Variants in GLRA2 observed in about 807,000 individuals in gnomAD.
GLRA2 encodes the protein glycine receptor alpha 2.
In GLRA2, 11 loss-of-function variants were observed where a neutral mutation model predicts 31.6. That is an observed-to-expected ratio of 0.35 (90% CI 0.22 to 0.58). The LOEUF is 0.58. GLRA2 is among the 20% of genes least tolerant of loss of function. The probability of loss-of-function intolerance (pLI) is 0.84; values close to 1 mark genes in which losing one functional copy is unlikely to be tolerated. For missense variants in GLRA2, 212 were observed against 351.8 expected, an observed-to-expected ratio of 0.60 and a Z score of 3.18; for synonymous variants, 132 against 134.0, an observed-to-expected ratio of 0.99 and a Z score of 0.10.
chrX:14,564,634 A>G lies in GLRA2; in HGVS notation c.203-9699A>G, dbSNP rs778082405. Among the ~76,000 whole-genome samples the G allele has an allele frequency of 3.8e-4, 43 of 112,617 alleles. No individual in the cohort carries two copies. The South Asian group carries it at 4.3e-3, about 11-fold the overall frequency. On this transcript the variant is annotated intron_variant, in intron 2 of 8. Coordinates refer to ENST00000218075, the MANE Select transcript of GLRA2 (RefSeq NM_002063.4). The stretch of plus-strand genomic sequence containing the variant: ...GGACTTGGAAAGACAAATGCATAAA[A>G]AATTATTAGTTGATTTTATTGTGCA...
Position 14,529,913 on chromosome X carries a change from A to G in GLRA2, c.-145A>G. On this transcript the variant is annotated 5_prime_UTR_variant, in exon 1 of 9. Transcript: ENST00000218075. ...GGCACTTTTTCTTTTTTCTCAGCAAACTGTACAAAACCAAATCTCTTTTTG... is the reference window on the plus strand; with the variant it reads ...GGCACTTTTTCTTTTTTCTCAGCAAGCTGTACAAAACCAAATCTCTTTTTG... 1 of 514,779 alleles carries G rather than the reference A, an allele frequency of 1.9e-6. No homozygotes were observed. Among genetic ancestry groups the G allele is most frequent in the Non-Finnish European group, 3.4e-6 (1 of 292,623 alleles). The allele number at this position is 514,779 out of a possible 1,213,427, so 42.4% of individuals were successfully genotyped here.
In GLRA2 at chrX:14,730,654, G is replaced by C; in HGVS notation, c.*169G>C. 1 of 433,754 alleles carries C rather than the reference G, an allele frequency of 2.3e-6. No individual in the cohort carries two copies. 35.7% of individuals were successfully genotyped at this position (433,754 alleles called of 1,213,427 possible). A position where few individuals can be genotyped will look rare whatever the true frequency, so the allele number is the denominator to read the frequency against. ...ACATGAAAAAAAAGACAAGTTATATGGGTGATGAAGAAAACTGCACAAAAT... is the reference window on the plus strand; with the variant it reads ...ACATGAAAAAAAAGACAAGTTATATCGGTGATGAAGAAAACTGCACAAAAT... On this transcript the variant is annotated 3_prime_UTR_variant, in exon 9 of 9. Coordinates refer to ENST00000218075, the MANE Select transcript of GLRA2 (RefSeq NM_002063.4).
At chrX:14,531,073 A>G (rs922220534) in intron 1 of GLRA2, 4 of 964,380 alleles carry the variant, frequency 4.1e-6, no homozygotes, top group African/African-American at 4.0e-5. Flanking sequence ...AAGAAAAAAT[A>G]TAGGCTGGTT....
At chrX:14,642,658 T>C (rs2090788820) in intron 7 of GLRA2, among the ~76,000 whole-genome samples, 1 of 111,587 alleles carries the variant, frequency 9.0e-6, no homozygotes, top group Admixed American at 9.6e-5. Flanking sequence ...TATATATCCA[T>C]ATAGCATGTA....
intron 2 of GLRA2, among the ~76,000 whole-genome samples, chrX:14,538,204 G>T (rs1460181207): frequency 9.0e-6 from 1 of 110,704 alleles, no homozygotes; most frequent in Non-Finnish European, 1.9e-5. Flanking sequence ...CTAGGTTCAA[G>T]TTCTGGTTCA....
Position 14,679,128 on chromosome X carries a change from C to T in GLRA2, c.931-11582C>T, listed in dbSNP as rs1005860951. The stretch of plus-strand genomic sequence containing the variant: ...CCACCACCACCACCACCACCACCAC[C>T]CTGACACACAGAAATAAGAAGAAAG... On this transcript the variant is annotated intron_variant, in intron 7 of 8. Transcript: ENST00000218075. Among the ~76,000 whole-genome samples, 3 of 110,410 alleles carry T rather than the reference C, an allele frequency of 2.7e-5. 1 individual carries two copies. Among genetic ancestry groups the T allele is most frequent in the African/African-American group, 3.3e-5 (1 of 30,325 alleles).
At chrX:14,528,785 A>T (rs1432148676), upstream of GLRA2, among the ~76,000 whole-genome samples, 3 of 111,394 alleles carry the variant, frequency 2.7e-5, no homozygotes, top group African/African-American at 9.8e-5. Flanking sequence ...GCCCTGCTCT[A>T]ACCTTTAACC....
At chrX:14,684,275 C>A (rs900897630) in intron 7 of GLRA2, among the ~76,000 whole-genome samples, 2 of 111,110 alleles carry the variant, frequency 1.8e-5, no homozygotes, top group Non-Finnish European at 3.8e-5. Context: ...GTTCTTTTGG[C>A]TTAGGATTGA....
chrX:14,458,334 G>C, the GLRA2 span, among the ~76,000 whole-genome samples: 1 of 111,656 alleles, frequency 9.0e-6, no homozygotes, highest in Non-Finnish European at 1.9e-5. Context: ...ATAAACATCC[G>C]TGTGCATGTG....
chrX:14,709,761 C>CT (rs2091686719), intron 8 of GLRA2, among the ~76,000 whole-genome samples: 1 of 111,841 alleles, frequency 8.9e-6, no homozygotes, highest in Non-Finnish European at 1.9e-5. Flanking sequence ...GCTATACCCC[C>CT]TCCTTACTCT....
Position 14,529,945 on chromosome X carries a change from A to G in GLRA2, c.-113A>G. 1 of 601,436 alleles carries G rather than the reference A, an allele frequency of 1.7e-6. No homozygotes were observed. The highest frequency in any genetic ancestry group is 2.8e-6 in the Non-Finnish European group (1 of 351,780). 49.6% of individuals were successfully genotyped at this position (601,436 alleles called of 1,213,427 possible). On this transcript the variant is annotated 5_prime_UTR_variant, in exon 1 of 9. Coordinates refer to ENST00000218075, the MANE Select transcript of GLRA2 (RefSeq NM_002063.4). ...AAAACCAAATCTCTTTTTGATTTTCAAGGAAACTAGGTTCCTGCCAAATTT... is the reference window on the plus strand; with the variant it reads ...AAAACCAAATCTCTTTTTGATTTTCGAGGAAACTAGGTTCCTGCCAAATTT...
At chrX:14,673,366 C>G (rs759025230) in intron 7 of GLRA2, among the ~76,000 whole-genome samples, 14 of 112,032 alleles carry the variant, frequency 1.2e-4, no homozygotes, top group African/African-American at 3.9e-4. Flanking sequence ...CATATCTTAC[C>G]CACTGTTCAT....
At chrX:14,691,375 A>G (rs2091359209) in intron 8 of GLRA2, among the ~76,000 whole-genome samples, 1 of 107,569 alleles carries the variant, frequency 9.3e-6, no homozygotes, top group African/African-American at 3.4e-5. Flanking sequence ...TTTTTCATCA[A>G]TTGCTCTGGC....
At chrX:14,686,609 C>T (rs2091281026) in intron 7 of GLRA2, among the ~76,000 whole-genome samples, 1 of 111,205 alleles carries the variant, frequency 9.0e-6, no homozygotes, top group African/African-American at 3.3e-5. Context: ...GGTTTAAAGT[C>T]TGTTTTATGA....
At chrX:14,580,451 T>C (rs2090004442) in intron 3 of GLRA2, among the ~76,000 whole-genome samples, 1 of 111,469 alleles carries the variant, frequency 9.0e-6, no homozygotes. Context: ...GAGCAGTCAC[T>C]GCCCCCAAGC....
chrX:14,451,339 GCA>G, the GLRA2 span, among the ~76,000 whole-genome samples: 1 of 110,508 alleles, frequency 9.0e-6, no homozygotes, highest in Non-Finnish European at 1.9e-5. Flanking sequence ...CACTTAAAAG[GCA>G]CAGAGTGGGC....
At chrX:14,597,873 A>C (rs906539764) in intron 4 of GLRA2, among the ~76,000 whole-genome samples, 1 of 111,914 alleles carries the variant, frequency 8.9e-6, no homozygotes, top group Admixed American at 9.5e-5. Context: ...TGCTTATCTC[A>C]CAAATGGAGG....
At chrX:14,574,200 A>T (rs112118289) in intron 2 of GLRA2, 133 bp from the exon 3 acceptor site, 6 of 480,920 alleles carry the variant, frequency 1.2e-5, no homozygotes, top group Middle Eastern at 5.9e-4. Flanking sequence ...TATGCACCTC[A>T]GGGTAAAACT....
At chrX:14,521,281 T>G in the GLRA2 span, among the ~76,000 whole-genome samples, 4 of 111,811 alleles carry the variant, frequency 3.6e-5, no homozygotes, top group Middle Eastern at 4.6e-3. Flanking sequence ...GTGGGAAAAA[T>G]CCATCCTCAA....
Sources: gnomAD v4.1 joint callset for allele counts (sites outside exome capture counted in the v4.1 genomes callset) on GRCh38, gnomAD v4.1.1 for gene constraint, MANE v1.5 for transcripts, NCBI Gene and HGNC (gene_info 2026-07-23, HGNC 2026-07-21) for gene names.